Variants in EFNB1 observed in about 807,000 individuals in gnomAD.
The protein encoded by EFNB1 is ephrin-B1.
EFNB1 carries 1 observed loss-of-function variant against 18.1 expected under a neutral mutation model. The ratio of observed to expected loss-of-function variants is 0.06; its 90% confidence interval spans 0.02 to 0.26. The LOEUF is 0.26. EFNB1 is among the 10% of genes least tolerant of loss of function. EFNB1 has a pLI of 1.00. For synonymous variants in EFNB1, 131 were observed against 127.5 expected (o/e 1.03, Z -0.19); for missense variants, 221 against 301.8 (o/e 0.73, Z 1.98).
chrX:68,834,755 G>A (rs1237415654), intron 1 of EFNB1, among the ~76,000 whole-genome samples: 1 of 112,507 alleles, frequency 8.9e-6, no homozygotes, highest in Non-Finnish European at 1.9e-5. Flanking sequence ...TACCAGACTT[G>A]GGCTTGCATG....
At position 68,829,607 on chromosome X, in the gene EFNB1, C is replaced by G; in HGVS notation, c.-170C>G. ...TGCCCAGTGAGTCCTCCTGGCCGGC[C>G]GGGCGGAGAAGAGCGACACCGAAGC... On this transcript the variant is annotated 5_prime_UTR_variant, in exon 1 of 5. Transcript: ENST00000204961. 1 of 870,506 alleles carries G rather than the reference C, an allele frequency of 1.1e-6. No homozygotes were observed. Among genetic ancestry groups the G allele is most frequent in the South Asian group, 2.4e-5 (1 of 42,380 alleles). The allele number at this position is 870,506 out of a possible 1,213,427, so 71.7% of individuals were successfully genotyped here.
At position 68,840,868 on chromosome X, in the gene EFNB1, T is replaced by G; in HGVS notation, c.*214T>G. On this transcript the variant is annotated 3_prime_UTR_variant, in exon 5 of 5. Transcript: ENST00000204961. ...CCCATGCTCTTGTGCCTTCCCCCTC[T>G]GGCCAGGCCTCTGGGCTCCGTGGGG... The G allele has an allele frequency of 2.3e-6, 1 of 444,081 alleles. No individual in the cohort carries two copies. The highest frequency in any genetic ancestry group is 3.9e-6 in the Non-Finnish European group (1 of 257,490). 36.6% of individuals were successfully genotyped at this position (444,081 alleles called of 1,213,427 possible).
Position 68,829,896 on chromosome X carries a change from C to G in EFNB1, c.120C>G (p.Leu40=). ...TGGAGCCCGTATCCTGGAGCTCCCT[C>G]AACCCCAAGTGAGTAACTTATCTCC... The part of the protein sequence containing the change: ...KNLEPVSWSS[L]NPKFLSGKGL... Residue 40 remains leucine, a synonymous_variant, in exon 1 of 5, where the codon CTC becomes CTG. Coordinates refer to ENST00000204961, the MANE Select transcript of EFNB1 (RefSeq NM_004429.5). The G allele has an allele frequency of 1.7e-6, 2 of 1,168,874 alleles. No homozygotes were observed. Among genetic ancestry groups the G allele is most frequent in the Non-Finnish European group, 2.3e-6 (2 of 873,380 alleles).
chrX:68,835,445 G>A (rs1338735033), intron 1 of EFNB1, among the ~76,000 whole-genome samples: 2 of 111,638 alleles, frequency 1.8e-5, no homozygotes, highest in African/African-American at 3.3e-5. Context: ...AATCTGGTAA[G>A]AGGGGAGAAC....
intron 1 of EFNB1, among the ~76,000 whole-genome samples, chrX:68,838,162 TGTGTGTGTGTGCGCGCGC>T (rs2080466222): frequency 5.0e-5 from 3 of 59,579 alleles, no homozygotes; most frequent in Non-Finnish European, 8.4e-5. Context: ...TGTGTGTGTG[TGTGTGTGTGTGCGCGCGC>T]GCGCGCGCAC....
intron 1 of EFNB1, among the ~76,000 whole-genome samples, chrX:68,837,477 C>G (rs2080463623): frequency 8.9e-6 from 1 of 112,404 alleles, no homozygotes; most frequent in Non-Finnish European, 1.9e-5. Flanking sequence ...TAGTAAGGGC[C>G]TAGCTTTGGA....
intron 1 of EFNB1, among the ~76,000 whole-genome samples, chrX:68,837,437 G>C (rs933238599): frequency 4.5e-5 from 5 of 112,278 alleles, no homozygotes; most frequent in African/African-American, 1.6e-4. Flanking sequence ...CTGAAGCTCA[G>C]AACAGGCAGC....
chrX:68,840,059 G>A lies in EFNB1; in HGVS notation c.599G>A (p.Gly200Asp). Reference protein sequence around the residue: ...KMATQAPGSRGSLGDSDGKHE... With the variant: ...KMATQAPGSRDSLGDSDGKHE... ...GCCACACAGGCCCCTGGTAGTCGGGGCTCCCTGGGTGACTCTGATGGCAAG... is the reference window on the plus strand; with the variant it reads ...GCCACACAGGCCCCTGGTAGTCGGGACTCCCTGGGTGACTCTGATGGCAAG... Residue 200 changes from glycine (G) to aspartate (D), a missense_variant, in exon 4 of 5, where the codon GGC becomes GAC. Coordinates refer to ENST00000204961, the MANE Select transcript of EFNB1 (RefSeq NM_004429.5). 1 of 1,212,056 alleles carries A rather than the reference G, an allele frequency of 8.3e-7. No homozygotes were observed. The highest frequency in any genetic ancestry group is 1.1e-6 in the Non-Finnish European group (1 of 895,517).
At chrX:68,830,883 C>G (rs758441431) in intron 1 of EFNB1, among the ~76,000 whole-genome samples, 3 of 112,243 alleles carry the variant, frequency 2.7e-5, no homozygotes, top group Non-Finnish European at 3.8e-5. Context: ...ACCACACACA[C>G]AACCCCTCCA....
rs753392421 is a variant in EFNB1 at position 68,840,405 on chromosome X, G to A, written c.792G>A (p.Lys264=). The A allele has an allele frequency of 6.6e-6, 8 of 1,211,951 alleles. No homozygotes were observed. The highest frequency in any genetic ancestry group is 8.9e-6 in the Non-Finnish European group (8 of 895,558). The part of the protein sequence containing the change: ...IIIFLTVLLL[K]LRKRHRKHTQ... ...TCTTCCTGACGGTCCTACTACTGAA[G>A]CTACGCAAGCGGCACCGCAAGCACA... Residue 264 remains lysine (K), a synonymous_variant, in exon 5 of 5, where the codon AAG becomes AAA. Transcript: ENST00000204961.
At chrX:68,838,178 C>T (rs2885541) in intron 1 of EFNB1, among the ~76,000 whole-genome samples, 515 of 19,845 alleles carry the variant, frequency 0.026, 4 homozygotes, top group Admixed American at 0.058. Flanking sequence ...TGTGTGCGCG[C>T]GCGCGCGCGC....
In EFNB1 at chrX:68,840,554, G is replaced by A. The variant is rs777593766; in HGVS notation, c.941G>A (p.Cys314Tyr). The A allele has an allele frequency of 8.3e-7, 1 of 1,211,094 alleles. No homozygotes were observed. Among genetic ancestry groups the A allele is most frequent in the South Asian group, 1.8e-5 (1 of 56,754 alleles). The change falls in exon 5 of 5, where the codon TGC (cysteine) becomes TAC (tyrosine). Residue 314 changes from cysteine (C) to tyrosine (Y), a missense_variant. Coordinates refer to ENST00000204961, the MANE Select transcript of EFNB1 (RefSeq NM_004429.5). Reference sequence around the variant, plus strand: ...TTACGGACTACAGAGAACAACTACTGCCCCCACTATGAGAAGGTGAGTGGG... The same window carrying A: ...TTACGGACTACAGAGAACAACTACTACCCCCACTATGAGAAGGTGAGTGGG... The part of the protein sequence containing the change: ...IPLRTTENNY[C>Y]PHYEKVSGDY...
chrX:68,834,123 A>T (rs892186089), intron 1 of EFNB1, among the ~76,000 whole-genome samples: 1 of 112,232 alleles, frequency 8.9e-6, no homozygotes, highest in African/African-American at 3.2e-5. Context: ...CCTGTGACTC[A>T]GGCCCTGTCT....
At chrX:68,831,695 G>A (rs1389466438) in intron 1 of EFNB1, among the ~76,000 whole-genome samples, 1 of 111,331 alleles carries the variant, frequency 9.0e-6, no homozygotes, top group African/African-American at 3.3e-5. Flanking sequence ...ATAGCATGCA[G>A]CTCCACAGCT....
chrX:68,838,015 T>G (rs1398025675), intron 1 of EFNB1, among the ~76,000 whole-genome samples: 1 of 111,356 alleles, frequency 9.0e-6, no homozygotes, highest in Non-Finnish European at 1.9e-5. Context: ...TGACCAAGAT[T>G]AGTAAGGATG....
Position 68,840,288 on chromosome X carries a change from C to T in EFNB1, c.675C>T (p.Gly225=), listed in dbSNP as rs760769932. 1 of 1,211,918 alleles carries T rather than the reference C, an allele frequency of 8.3e-7. No homozygotes were observed. The highest frequency in any genetic ancestry group is 3.0e-5 in the East Asian group (1 of 33,839). ...AGAGTGGCCCAGGTGCAAGTGGGGG[C>T]AGCAGCGGGGACCCTGATGGCTTCT... ...EEKSGPGASG[G]SSGDPDGFFN... Residue 225 remains glycine (G), a synonymous_variant, in exon 5 of 5, where the codon GGC becomes GGT. Transcript: ENST00000204961.
intron 1 of EFNB1, among the ~76,000 whole-genome samples, chrX:68,833,003 C>T (rs2080450906): frequency 9.0e-6 from 1 of 110,688 alleles, no homozygotes; most frequent in Non-Finnish European, 1.9e-5. Flanking sequence ...TTCCTGCCCC[C>T]CACTCAGGTT....
chrX:68,831,689 C>T (rs1375853143), intron 1 of EFNB1, among the ~76,000 whole-genome samples: 3 of 111,332 alleles, frequency 2.7e-5, no homozygotes, highest in Non-Finnish European at 5.7e-5. Flanking sequence ...CCAGAGATAG[C>T]ATGCAGCTCC....
chrX:68,835,690 G>T (rs2080459044), intron 1 of EFNB1, among the ~76,000 whole-genome samples: 1 of 111,800 alleles, frequency 8.9e-6, no homozygotes, highest in Non-Finnish European at 1.9e-5. Flanking sequence ...GGGAAGGTGA[G>T]TTTCCCTCTG....
Sources: allele counts gnomAD v4.1 joint callset (sites outside exome capture counted in the v4.1 genomes callset), GRCh38; gene constraint gnomAD v4.1.1; transcripts MANE v1.5; gene names NCBI Gene and HGNC (gene_info 2026-07-23, HGNC 2026-07-21).